The following ACACB variants were observed in gnomAD, a reference collection of about 807,000 sequenced individuals.
ACACB encodes the protein acetyl-CoA carboxylase beta.
Under a neutral mutation model 278.8 loss-of-function variants are expected in ACACB, and 209 were observed. That is an observed-to-expected ratio of 0.75 (90% CI 0.67 to 0.84). The LOEUF (loss-of-function observed/expected upper bound fraction) is 0.84. Ranked by LOEUF, ACACB falls within the 40% of genes least tolerant of loss-of-function variation. The probability of loss-of-function intolerance (pLI) is 0.00; values close to 1 mark genes in which losing one functional copy is unlikely to be tolerated. For missense variants in ACACB, 2,850 were observed against 3,269.0 expected (o/e 0.87, Z 3.13); for synonymous variants, 1,174 against 1,285.6 (o/e 0.91, Z 1.86).
At chr12:109,242,692 A>G in intron 37 of ACACB, 100 bp downstream of exon 37, 1 of 1,430,898 alleles carries the variant, frequency 7.0e-7, no homozygotes, top group Non-Finnish European at 9.6e-7. Flanking sequence ...GACCTAGTCT[A>G]AAGGACAAGG....
In ACACB at chr12:109,139,515, C is replaced by T; in HGVS notation, c.110C>T (p.Ser37Leu). 1 of 1,614,170 alleles carries T rather than the reference C, an allele frequency of 6.2e-7. No homozygotes were observed. Among genetic ancestry groups the T allele is most frequent in the East Asian group, 2.2e-5 (1 of 44,886 alleles). ...TDSKPITKSK[S>L]EANLIPSQEP... is the part of the protein sequence containing the mutation. ...TCCAAGCCGATCACCAAGAGTAAAT[C>T]AGAAGCAAACCTCATCCCGAGCCAG... Residue 37 changes from serine to leucine, a missense_variant, in exon 2 of 53, where the codon TCA (serine) becomes TTA (leucine). Transcript: ENST00000338432.
intron 12 of ACACB, among the ~76,000 whole-genome samples, chr12:109,185,995 A>G (rs533131386): frequency 1.3e-5 from 2 of 152,102 alleles, no homozygotes; most frequent in African/African-American, 2.4e-5. Context: ...TAGTGGCGCA[A>G]TCTTGGCTCA....
At chr12:109,226,699 C>CAAAAAAAA (rs531983826) in intron 27 of ACACB, among the ~76,000 whole-genome samples, 3 of 74,198 alleles carry the variant, frequency 4.0e-5, no homozygotes, top group Non-Finnish European at 8.3e-5. Flanking sequence ...AACTCCATCT[C>CAAAAAAAA]AAAAAAAAAA....
rs866490540 is a variant in ACACB at position 109,178,500 on chromosome 12, A to G, written c.1438-588A>G. Among the ~76,000 whole-genome samples the G allele has an allele frequency of 3.3e-5, 5 of 152,364 alleles. No homozygotes were observed. The Middle Eastern group carries it at 0.01, about 311-fold the overall frequency. On this transcript the variant is annotated intron_variant, in intron 9 of 52. Transcript: ENST00000338432. ...ATAGAAGAAAGCCAGTTTGGACACCAAACTCTTTAACAGTGCAATATCTTT... is the reference window on the plus strand; with the variant it reads ...ATAGAAGAAAGCCAGTTTGGACACCGAACTCTTTAACAGTGCAATATCTTT...
intron 2 of ACACB, among the ~76,000 whole-genome samples, chr12:109,150,819 G>A (rs569075872): frequency 1.3e-4 from 20 of 152,240 alleles, no homozygotes; most frequent in African/African-American, 4.1e-4. Context: ...ATTTTTATGC[G>A]CCCCTGAGTG....
intron 2 of ACACB, among the ~76,000 whole-genome samples, chr12:109,143,756 C>T (rs2043175836): frequency 6.6e-6 from 1 of 152,080 alleles, no homozygotes; most frequent in South Asian, 2.1e-4. Flanking sequence ...GTGAGAATCC[C>T]ACATCAAAGA....
chr12:109,133,890 T>C (rs2042905366), intron 1 of ACACB, among the ~76,000 whole-genome samples: 1 of 135,490 alleles, frequency 7.4e-6, no homozygotes, highest in African/African-American at 2.9e-5. Context: ...TTTCATTTTT[T>C]CAGCACACAG....
chr12:109,216,641 A>G lies in ACACB; in HGVS notation c.3374A>G (p.Tyr1125Cys), dbSNP rs1565935782. 1.9e-6 allele frequency: 3 copies of G among 1,614,244 alleles called. No homozygotes were observed. Among genetic ancestry groups the G allele is most frequent in the Non-Finnish European group, 2.5e-6 (3 of 1,180,038 alleles). Reference sequence around the variant, plus strand: ...AGATACCGCAGCGGGATCCGCGGCTATATGAAAACAGTGGTGTTGGATCTC... The same window carrying G: ...AGATACCGCAGCGGGATCCGCGGCTGTATGAAAACAGTGGTGTTGGATCTC... ...VQRYRSGIRGYMKTVVLDLLR... is the reference protein window; with the variant it reads ...VQRYRSGIRGCMKTVVLDLLR... The change falls in exon 23 of 53, where the codon TAT becomes TGT. Residue 1125 changes from tyrosine to cysteine, a missense_variant. By Grantham distance (194) the Tyr-to-Cys change is radical (BLOSUM62 -2). Coordinates refer to ENST00000338432, the MANE Select transcript of ACACB (RefSeq NM_001093.4).
intron 19 of ACACB, among the ~76,000 whole-genome samples, chr12:109,203,966 T>A (rs2045415592): frequency 6.6e-6 from 1 of 152,162 alleles, no homozygotes; most frequent in Admixed American, 6.6e-5. Context: ...AAAAAAAATT[T>A]AAAAATATCA....
intron 2 of ACACB, among the ~76,000 whole-genome samples, chr12:109,150,217 A>G (rs2043335638): frequency 6.6e-6 from 1 of 152,180 alleles, no homozygotes; most frequent in Non-Finnish European, 1.5e-5. Flanking sequence ...CTGTTGAGGC[A>G]GGATAATACT....
chr12:109,193,746 C>A lies in ACACB; in HGVS notation c.2481+17C>A, dbSNP rs73191126. 14 of 1,592,412 alleles carry A rather than the reference C, an allele frequency of 8.8e-6. No homozygotes were observed. The Admixed American group carries it at 1.7e-4, about 19-fold the overall frequency. On this transcript the variant is annotated intron_variant, in intron 16 of 52. Transcript: ENST00000338432. ...ATTCTCAAGGTAAATGCCCCCGTGC[C>A]TCTCCGATGTCTCCAACACTCTGCA...
intron 35 of ACACB, among the ~76,000 whole-genome samples, chr12:109,240,534 TAATC>T (rs1410095115): frequency 1.3e-5 from 2 of 149,016 alleles, no homozygotes; most frequent in Middle Eastern, 3.3e-3. Flanking sequence ...TTAAGATTAT[TAATC>T]AAATTAATAT....
intron 2 of ACACB, among the ~76,000 whole-genome samples, chr12:109,143,354 T>C (rs2043164639): frequency 6.7e-6 from 1 of 149,772 alleles, no homozygotes; most frequent in Non-Finnish European, 1.5e-5. Flanking sequence ...TCCCAGCTAC[T>C]AGGGAGGCTG....
chr12:109,222,642 C>T (rs1191975873), intron 25 of ACACB, 22 bp downstream of exon 25: 1 of 1,599,658 alleles, frequency 6.3e-7, no homozygotes. Context: ...GGGTGCGGTC[C>T]CCACGATGTG....
At chr12:109,127,980 T>C (rs1014099950) in intron 1 of ACACB, among the ~76,000 whole-genome samples, 4 of 152,028 alleles carry the variant, frequency 2.6e-5, no homozygotes, top group African/African-American at 9.7e-5. Context: ...TCCCCAAGAG[T>C]AAATTCTGCT....
At chr12:109,124,029 A>G (rs2042618074) in intron 1 of ACACB, among the ~76,000 whole-genome samples, 1 of 151,860 alleles carries the variant, frequency 6.6e-6, no homozygotes, top group South Asian at 2.1e-4. Flanking sequence ...TAGATGTCAC[A>G]CTGTTTTGCC....
intron 1 of ACACB, among the ~76,000 whole-genome samples, chr12:109,123,714 G>T (rs534184261): frequency 1.5e-5 from 2 of 134,944 alleles, no homozygotes; most frequent in South Asian, 4.9e-4. Context: ...AAGAGACAGG[G>T]TCTCACTCTG....
At chr12:109,228,758 A>G (rs1044118505) in intron 28 of ACACB, among the ~76,000 whole-genome samples, 6 of 152,038 alleles carry the variant, frequency 3.9e-5, no homozygotes, top group Admixed American at 2.0e-4. Context: ...CTGTCATGGT[A>G]GAAAGTTCTA....
chr12:109,181,784 G>T lies in ACACB; in HGVS notation c.1818+1697G>T, dbSNP rs1340723054. On this transcript the variant is annotated intron_variant, in intron 11 of 52. Coordinates refer to ENST00000338432, the MANE Select transcript of ACACB (RefSeq NM_001093.4). Reference sequence around the variant, plus strand: ...CAGTCCTACCAACAGTGTATGAGGGGTCCCTTTTCTCCACGTCCTTGCTAG... The same window carrying T: ...CAGTCCTACCAACAGTGTATGAGGGTTCCCTTTTCTCCACGTCCTTGCTAG... 5.3e-5 allele frequency among the ~76,000 whole-genome samples: 8 copies of T among 149,682 alleles called. No homozygotes were observed. The East Asian group carries it at 1.6e-3, about 29-fold the overall frequency.
Sources: gnomAD v4.1 joint callset for allele counts (sites outside exome capture counted in the v4.1 genomes callset) on GRCh38, gnomAD v4.1.1 for gene constraint, MANE v1.5 for transcripts, NCBI Gene and HGNC (gene_info 2026-07-23, HGNC 2026-07-21) for gene names.